FUT9: variants seen among roughly 807,000 people sequenced by gnomAD.
FUT9 encodes 4-galactosyl-N-acetylglucosaminide 3-alpha-L-fucosyltransferase 9.
Under a neutral mutation model 29.7 loss-of-function variants are expected in FUT9, and 15 were observed. The observed-to-expected ratio is 0.51, with a 90% CI of 0.34 to 0.78. FUT9 has a LOEUF of 0.78. Ranked by LOEUF, FUT9 falls within the 30% of genes least tolerant of loss-of-function variation. The pLI, the probability that FUT9 is intolerant of heterozygous loss-of-function variation, is 0.01. For missense variants in FUT9, 319 were observed against 425.4 expected (o/e 0.75, Z 2.20); for synonymous variants, 169 against 153.7 (o/e 1.10, Z -0.74).
chr6:96,035,906 T>C (rs1358608622), intron 1 of FUT9, among the ~76,000 whole-genome samples: 1 of 91,226 alleles, frequency 1.1e-5, no homozygotes, highest in Non-Finnish European at 2.2e-5. Flanking sequence ...TAATATAATA[T>C]AATACATTAT....
intron 1 of FUT9, among the ~76,000 whole-genome samples, chr6:96,087,685 TATTATC>T (rs1771341970): frequency 6.6e-6 from 1 of 152,190 alleles, no homozygotes; most frequent in African/African-American, 2.4e-5. Flanking sequence ...ATCTTTGTGC[TATTATC>T]ATACATTTTA....
chr6:96,146,722 T>G (rs972920532), intron 2 of FUT9, among the ~76,000 whole-genome samples: 2 of 152,192 alleles, frequency 1.3e-5, no homozygotes, highest in African/African-American at 4.8e-5. Context: ...GAAAACAGTA[T>G]TACTACTTGG....
intron 2 of FUT9, among the ~76,000 whole-genome samples, chr6:96,189,434 T>A (rs1307010497): frequency 2.0e-5 from 3 of 152,240 alleles, no homozygotes; most frequent in Admixed American, 2.0e-4. Flanking sequence ...TAATATGTGA[T>A]CTGTGGTTTG....
At position 96,204,597 on chromosome 6, in the gene FUT9, T is replaced by A; in HGVS notation, c.*362T>A. 1 of 171,292 alleles carries A rather than the reference T, an allele frequency of 5.8e-6. No homozygotes were observed. 10.6% of individuals were successfully genotyped at this position (171,292 alleles called of 1,614,324 possible). A position where few individuals can be genotyped will look rare whatever the true frequency, so the allele number is the denominator to read the frequency against. On this transcript the variant is annotated 3_prime_UTR_variant, in exon 3 of 3. Transcript: ENST00000302103. Reference sequence around the variant, plus strand: ...TCTATTTGGGAAATGAAGATGCACATCTTAAAGTATGAAAAATTTTCACTA... The same window carrying A: ...TCTATTTGGGAAATGAAGATGCACAACTTAAAGTATGAAAAATTTTCACTA...
At chr6:96,181,943 G>A (rs4527715) in intron 2 of FUT9, among the ~76,000 whole-genome samples, 138,713 of 152,076 alleles carry the variant, frequency 0.91, 64,619 homozygotes, top group Non-Finnish European at 1. Context: ...ATAGATACCC[G>A]GTAGTGGGAT....
chr6:96,093,382 T>C (rs1199193530), intron 1 of FUT9, among the ~76,000 whole-genome samples: 1 of 152,100 alleles, frequency 6.6e-6, no homozygotes, highest in Non-Finnish European at 1.5e-5. Flanking sequence ...CTTTTCCCTG[T>C]GACTAATGCA....
intron 2 of FUT9, among the ~76,000 whole-genome samples, chr6:96,189,455 C>T (rs1773465702): frequency 6.6e-6 from 1 of 152,054 alleles, no homozygotes; most frequent in Non-Finnish European, 1.5e-5. Flanking sequence ...AAACATCACG[C>T]TATTGGAGGA....
At chr6:96,120,977 A>G (rs1772017608) in intron 2 of FUT9, among the ~76,000 whole-genome samples, 1 of 152,116 alleles carries the variant, frequency 6.6e-6, no homozygotes, top group African/African-American at 2.4e-5. Context: ...CATACCATGG[A>G]CAGTATTTTA....
intron 2 of FUT9, among the ~76,000 whole-genome samples, chr6:96,177,459 G>A (rs1773224521): frequency 6.6e-6 from 1 of 151,898 alleles, no homozygotes; most frequent in African/African-American, 2.4e-5. Flanking sequence ...AAAAAATTAA[G>A]GTTCACAGAA....
intron 1 of FUT9, among the ~76,000 whole-genome samples, chr6:96,108,239 T>C (rs924639428): frequency 3.9e-5 from 6 of 152,128 alleles, no homozygotes; most frequent in African/African-American, 1.4e-4. Flanking sequence ...TGTACATTTA[T>C]GAAAAAGAAA....
intron 2 of FUT9, among the ~76,000 whole-genome samples, chr6:96,180,303 A>G (rs1170031600): frequency 3.3e-5 from 5 of 152,184 alleles, no homozygotes; most frequent in East Asian, 1.9e-4. Flanking sequence ...TTTTAGATGA[A>G]TAACTGAGAC....
At chr6:96,147,241 A>C (rs1175679412) in intron 2 of FUT9, among the ~76,000 whole-genome samples, 3 of 145,820 alleles carry the variant, frequency 2.1e-5, no homozygotes, top group East Asian at 2.0e-4. Context: ...GGCTCACTGC[A>C]ACCTCCACCT....
At chr6:96,091,413 A>G (rs1273511035) in intron 1 of FUT9, among the ~76,000 whole-genome samples, 1 of 152,136 alleles carries the variant, frequency 6.6e-6, no homozygotes, top group Non-Finnish European at 1.5e-5. Flanking sequence ...TAATGAGTCA[A>G]TAACAACGCA....
intron 1 of FUT9, among the ~76,000 whole-genome samples, chr6:96,067,320 T>C (rs188478344): frequency 1.3e-4 from 20 of 152,084 alleles, no homozygotes; most frequent in African/African-American, 4.8e-4. Context: ...AAGTGAAGAA[T>C]GTCCAGAAAC....
At chr6:96,043,332 G>C (rs1770502895) in intron 1 of FUT9, among the ~76,000 whole-genome samples, 2 of 152,210 alleles carry the variant, frequency 1.3e-5, no homozygotes, top group African/African-American at 4.8e-5. Context: ...TTACAGGCGT[G>C]AGCCACCGCG....
chr6:96,097,823 A>T (rs1401162550), intron 1 of FUT9, among the ~76,000 whole-genome samples: 1 of 152,142 alleles, frequency 6.6e-6, no homozygotes, highest in African/African-American at 2.4e-5. Flanking sequence ...AATATACATA[A>T]TTTTTCCACT....
At position 96,208,663 on chromosome 6, in the gene FUT9, G is replaced by C. The variant is rs914032152; in HGVS notation, c.*4428G>C. ...CCTTTCTATCTTACAACATTGTAAA[G>C]CATCAAAAGAAGTAACATCTCAAGA... On this transcript the variant is annotated 3_prime_UTR_variant, in exon 3 of 3. Coordinates refer to ENST00000302103, the MANE Select transcript of FUT9 (RefSeq NM_006581.4). The C allele has an allele frequency of 6.0e-6, 1 of 166,688 alleles. No homozygotes were observed. Among genetic ancestry groups the C allele is most frequent in the African/African-American group, 2.4e-5 (1 of 41,424 alleles). The allele number at this position is 166,688 out of a possible 1,614,324, so 10.3% of individuals were successfully genotyped here. A position where few individuals can be genotyped will look rare whatever the true frequency, so the allele number is the denominator to read the frequency against.
intron 2 of FUT9, among the ~76,000 whole-genome samples, chr6:96,181,589 T>TCC (rs1773309391): frequency 2.6e-5 from 4 of 151,924 alleles, no homozygotes; most frequent in Admixed American, 2.6e-4. Flanking sequence ...CCCTCTCCTT[T>TCC]CTCCCTGAGT....
chr6:96,071,801 G>GT (rs201255555), intron 1 of FUT9, among the ~76,000 whole-genome samples: 6,196 of 151,464 alleles, frequency 0.041, 175 homozygotes, highest in South Asian at 0.12. Flanking sequence ...TAAAATTTAA[G>GT]TTTTTTTTTC....
Sources: gnomAD v4.1 joint callset for allele counts (sites outside exome capture counted in the v4.1 genomes callset) on GRCh38, gnomAD v4.1.1 for gene constraint, MANE v1.5 for transcripts, NCBI Gene and HGNC (gene_info 2026-07-23, HGNC 2026-07-21) for gene names.